The following SIMC1 variants were observed in gnomAD, a reference collection of about 807,000 sequenced individuals.
SIMC1 encodes SUMO-interacting motif-containing protein 1.
A neutral mutation model predicts 82.3 loss-of-function variants in SIMC1; 55 were observed. The ratio of observed to expected loss-of-function variants is 0.67; its 90% CI spans 0.54 to 0.84. The LOEUF (loss-of-function observed/expected upper bound fraction) is 0.84, where lower values mean the gene tolerates loss of function less well. Among genes scored for constraint, SIMC1 ranks in the 40% least tolerant of loss-of-function variants. The pLI, the probability that SIMC1 is intolerant of heterozygous loss-of-function variation, is 0.00. For missense variants in SIMC1, 915 were observed against 1,107.2 expected (o/e 0.83, Z 2.46); for synonymous variants, 353 against 426.3 (o/e 0.83, Z 2.12).
At chr5:176,308,815 A>G in intron 4 of SIMC1, 1 of 1,228,822 alleles carries the variant, frequency 8.1e-7, no homozygotes, top group Non-Finnish European at 1.2e-6. Flanking sequence ...TGGAGGATCC[A>G]CAGCCTTACA....
intron 4 of SIMC1, chr5:176,313,139 C>A: frequency 2.7e-6 from 1 of 376,166 alleles, no homozygotes; most frequent in Non-Finnish European, 4.1e-6. Context: ...TCAAGTTGAG[C>A]CAAGCCAACA....
At chr5:176,315,987 C>T (rs1764885559) in intron 5 of SIMC1, among the ~76,000 whole-genome samples, 1 of 151,784 alleles carries the variant, frequency 6.6e-6, no homozygotes. Flanking sequence ...CCAGCCTGGC[C>T]AACACGGTGA....
chr5:176,289,420 A>G (rs1192313289), intron 1 of SIMC1, among the ~76,000 whole-genome samples: 2 of 152,132 alleles, frequency 1.3e-5, no homozygotes, highest in African/African-American at 4.8e-5. Context: ...GACCAGAAAA[A>G]AAAAAAATCC....
At chr5:176,271,938 C>T (rs866376744) in intron 1 of SIMC1, among the ~76,000 whole-genome samples, 395 of 140,252 alleles carry the variant, frequency 2.8e-3, no homozygotes, top group African/African-American at 9.8e-3. Flanking sequence ...ATAATATATA[C>T]TATTATATAT....
At chr5:176,291,988 G>A (rs867632005) in intron 2 of SIMC1, among the ~76,000 whole-genome samples, 4 of 152,060 alleles carry the variant, frequency 2.6e-5, no homozygotes, top group South Asian at 2.1e-4. Flanking sequence ...TCTGGGAGGC[G>A]GAGGTTGCAG....
Position 176,345,598 on chromosome 5 carries a change from CTT to C in SIMC1, c.*159_*160del. The C allele has an allele frequency of 1.3e-6, 1 of 786,654 alleles. No homozygotes were observed. The highest frequency in any genetic ancestry group is 1.9e-6 in the Non-Finnish European group (1 of 529,976). 48.7% of individuals were successfully genotyped at this position (786,654 alleles called of 1,614,324 possible). On this transcript the variant is annotated 3_prime_UTR_variant, in exon 10 of 10. Transcript: ENST00000429602. Reference sequence around the variant, plus strand: ...TGTAATTTCTAACTCTAGTAAATATCTTTTTTTAAATAATCCTATCCTAGCCT... The same window carrying C: ...TGTAATTTCTAACTCTAGTAAATATCTTTTTAAATAATCCTATCCTAGCCT...
chr5:176,271,916 G>C (rs1762446246), intron 1 of SIMC1, among the ~76,000 whole-genome samples: 1 of 39,770 alleles, frequency 2.5e-5, no homozygotes, highest in African/African-American at 5.7e-5. Flanking sequence ...GTATATAATT[G>C]TATATTATAT....
intron 7 of SIMC1, among the ~76,000 whole-genome samples, 176 bp downstream of exon 7, chr5:176,324,933 TTA>T (rs1765313776): frequency 6.6e-6 from 1 of 152,246 alleles, no homozygotes; most frequent in Non-Finnish European, 1.5e-5. Context: ...AGGATTATTC[TTA>T]TGTCTTTGAC....
rs1440832888 is a variant in SIMC1 at position 176,272,197 on chromosome 5, AAG to A, written c.130-17456_130-17455del. 8.2e-3 allele frequency among the ~76,000 whole-genome samples: 1,174 copies of A among 142,390 alleles called. 181 individuals carry two copies. Among genetic ancestry groups the A allele is most frequent in the Middle Eastern group, 0.029 (8 of 276 alleles). 93.4% of individuals were successfully genotyped at this position (142,390 alleles called of 152,430 possible). On this transcript the variant is annotated intron_variant, in intron 1 of 9. Coordinates refer to ENST00000429602, the MANE Select transcript of SIMC1 (RefSeq NM_001308195.2). ...CAAAAAAAAAAAAAAAAAAAAAAAA[AAG>A]GTGGGCATGGTGGAACGCACCTGCA...
chr5:176,302,194 A>G (rs1244057854), intron 4 of SIMC1, among the ~76,000 whole-genome samples: 5 of 152,202 alleles, frequency 3.3e-5, no homozygotes, highest in African/African-American at 4.8e-5. Flanking sequence ...GAATCCATGG[A>G]TGCAGAACCC....
chr5:176,305,769 C>A (rs1467168998), intron 4 of SIMC1, among the ~76,000 whole-genome samples: 3 of 58,930 alleles, frequency 5.1e-5, no homozygotes, highest in African/African-American at 2.1e-4. Flanking sequence ...GGGGTCAGCC[C>A]CCCACCCGGC....
chr5:176,271,024 C>T (rs894956683), intron 1 of SIMC1, among the ~76,000 whole-genome samples: 6 of 152,142 alleles, frequency 3.9e-5, no homozygotes, highest in Non-Finnish European at 7.4e-5. Flanking sequence ...TATGTCACCC[C>T]TTCCCCAACT....
At chr5:176,268,021 A>T (rs1226788268) in intron 1 of SIMC1, among the ~76,000 whole-genome samples, 3 of 151,700 alleles carry the variant, frequency 2.0e-5, no homozygotes, top group Non-Finnish European at 2.9e-5. Context: ...AAGTGCTAGG[A>T]CTACAAGCCT....
At chr5:176,312,964 G>C (rs1446766631) in intron 4 of SIMC1, 1 of 153,946 alleles carries the variant, frequency 6.5e-6, no homozygotes, top group East Asian at 1.9e-4. Flanking sequence ...AAACTAGAAG[G>C]ACAGTAAGTC....
At chr5:176,324,834 A>G (rs1244873756) in intron 7 of SIMC1, 77 bp downstream of exon 7, 8 of 1,462,462 alleles carry the variant, frequency 5.5e-6, no homozygotes, top group Non-Finnish European at 4.5e-6. Flanking sequence ...ATTTTTATTA[A>G]ATTAACTTTT....
At chr5:176,331,384 A>AAT (rs1271470825) in intron 7 of SIMC1, among the ~76,000 whole-genome samples, 2 of 150,762 alleles carry the variant, frequency 1.3e-5, no homozygotes, top group Non-Finnish European at 3.0e-5. Context: ...AAAAAAAAAA[A>AAT]AGTCAGTATC....
intron 1 of SIMC1, among the ~76,000 whole-genome samples, chr5:176,244,391 G>C (rs1326776132): frequency 1.4e-5 from 2 of 138,714 alleles, no homozygotes; most frequent in African/African-American, 2.7e-5. Flanking sequence ...ACTGAGTTTA[G>C]AGCTCTGAAG....
chr5:176,335,888 T>C (rs1394584063), intron 7 of SIMC1, among the ~76,000 whole-genome samples: 1 of 151,698 alleles, frequency 6.6e-6, no homozygotes, highest in South Asian at 2.1e-4. Context: ...ACAAAAAAAA[T>C]AATAATTAGC....
chr5:176,319,060 G>C (rs927505457), intron 5 of SIMC1, among the ~76,000 whole-genome samples: 4 of 152,214 alleles, frequency 2.6e-5, no homozygotes, highest in Non-Finnish European at 4.4e-5. Context: ...ACTGAGCTGA[G>C]ATCGTGCCAC....
Sources: allele counts gnomAD v4.1 joint callset (sites outside exome capture counted in the v4.1 genomes callset), GRCh38; gene constraint gnomAD v4.1.1; transcripts MANE v1.5; gene names NCBI Gene and HGNC (gene_info 2026-07-23, HGNC 2026-07-21).